EFNA5: variants seen among roughly 807,000 people sequenced by gnomAD.
EFNA5 encodes ephrin-A5.
EFNA5 carries 5 observed loss-of-function variants against 22.9 expected under a neutral mutation model. The ratio of observed to expected loss-of-function variants is 0.22; its 90% CI spans 0.11 to 0.46. The LOEUF (loss-of-function observed/expected upper bound fraction) is 0.46, where lower values mean the gene tolerates loss of function less well. Among genes scored for constraint, EFNA5 ranks in the 20% least tolerant of loss-of-function variants. The pLI is 0.99. For synonymous variants in EFNA5, 113 were observed against 112.2 expected (o/e 1.01, Z -0.04); for missense variants, 237 against 293.3 (o/e 0.81, Z 1.40).
chr5:107,470,229 G>A (rs192541544), intron 1 of EFNA5, among the ~76,000 whole-genome samples: 10 of 152,308 alleles, frequency 6.6e-5, no homozygotes, highest in African/African-American at 2.4e-4. Flanking sequence ...AATGGCAACA[G>A]TGAGGGTCCT....
At chr5:107,396,014 T>C (rs1388541506) in intron 2 of EFNA5, among the ~76,000 whole-genome samples, 1 of 152,182 alleles carries the variant, frequency 6.6e-6, no homozygotes, top group Non-Finnish European at 1.5e-5. Flanking sequence ...ACAAATCCCA[T>C]TCCTCATTCG....
intron 1 of EFNA5, among the ~76,000 whole-genome samples, chr5:107,583,240 T>G (rs1467281957): frequency 6.6e-6 from 1 of 152,144 alleles, no homozygotes; most frequent in Non-Finnish European, 1.5e-5. Flanking sequence ...CCCTAAAAAA[T>G]AGAGCATCCT....
intron 1 of EFNA5, among the ~76,000 whole-genome samples, chr5:107,452,098 A>C (rs1354348092): frequency 1.3e-5 from 2 of 152,150 alleles, no homozygotes; most frequent in Admixed American, 6.5e-5. Context: ...TATCCTCAGC[A>C]AACTAACACA....
At chr5:107,642,489 AT>A (rs1214899002) in intron 1 of EFNA5, among the ~76,000 whole-genome samples, 2 of 151,614 alleles carry the variant, frequency 1.3e-5, no homozygotes, top group Non-Finnish European at 2.9e-5. Context: ...AAGCCAAGGA[AT>A]GTCAAGAGTG....
chr5:107,545,405 A>C (rs1748126470), intron 1 of EFNA5, among the ~76,000 whole-genome samples: 1 of 152,228 alleles, frequency 6.6e-6, no homozygotes, highest in Admixed American at 6.5e-5. Flanking sequence ...TTTCCTGAGG[A>C]CTGCAGGAGT....
At chr5:107,484,312 C>T (rs1489185313) in intron 1 of EFNA5, among the ~76,000 whole-genome samples, 1 of 152,180 alleles carries the variant, frequency 6.6e-6, no homozygotes, top group East Asian at 1.9e-4. Flanking sequence ...TTCTCCAAGC[C>T]GCTGTTCCCA....
intron 2 of EFNA5, among the ~76,000 whole-genome samples, chr5:107,422,145 T>A (rs1464892298): frequency 6.6e-6 from 1 of 152,186 alleles, no homozygotes; most frequent in Non-Finnish European, 1.5e-5. Flanking sequence ...CTAGTTCTCA[T>A]CTGTGTGAAC....
chr5:107,445,395 T>G (rs13354468), intron 1 of EFNA5, among the ~76,000 whole-genome samples: 5,816 of 152,246 alleles, frequency 0.038, 373 homozygotes, highest in African/African-American at 0.13. Flanking sequence ...AGAGCACATA[T>G]GTGCTCTATT....
intron 1 of EFNA5, among the ~76,000 whole-genome samples, chr5:107,485,879 T>C (rs1217570747): frequency 6.6e-6 from 1 of 152,214 alleles, no homozygotes; most frequent in East Asian, 1.9e-4. Flanking sequence ...TAGATCTTTG[T>C]GTGCTTATTT....
chr5:107,416,851 T>C lies in EFNA5; in HGVS notation c.418+10366A>G, dbSNP rs562671788. Among the ~76,000 whole-genome samples the C allele has an allele frequency of 3.3e-5, 5 of 152,316 alleles. No homozygotes were observed. In the East Asian group the frequency reaches 9.6e-4, roughly 29 times the overall value. The stretch of plus-strand genomic sequence containing the variant: ...TTACTTAGATTTGCCCATTAAAAAT[T>C]CCACCTAAAATGAAGCAAGTATGTC... On this transcript the variant is annotated intron_variant, in intron 2 of 4. Transcript: ENST00000333274.
intron 1 of EFNA5, among the ~76,000 whole-genome samples, chr5:107,435,540 T>C (rs1749090457): frequency 6.6e-6 from 1 of 152,122 alleles, no homozygotes; most frequent in Non-Finnish European, 1.5e-5. Context: ...AGAGGACTCA[T>C]GGATAGTTTC....
chr5:107,643,744 G>A (rs1750573206), intron 1 of EFNA5, among the ~76,000 whole-genome samples: 1 of 152,030 alleles, frequency 6.6e-6, no homozygotes, highest in African/African-American at 2.4e-5. Context: ...ACAAGGGCAA[G>A]TTATCCAAAG....
chr5:107,419,136 T>A (rs1580438483), intron 2 of EFNA5, among the ~76,000 whole-genome samples: 1 of 152,236 alleles, frequency 6.6e-6, no homozygotes. Flanking sequence ...GTATGCATGC[T>A]CAGAAGGTTA....
intron 1 of EFNA5, among the ~76,000 whole-genome samples, chr5:107,650,286 G>C (rs182140344): frequency 6.6e-6 from 1 of 152,310 alleles, no homozygotes; most frequent in Non-Finnish European, 1.5e-5. Flanking sequence ...AATGGATAAA[G>C]TGTCAAACCC....
chr5:107,577,252 C>A (rs1748946143), intron 1 of EFNA5, among the ~76,000 whole-genome samples: 1 of 152,052 alleles, frequency 6.6e-6, no homozygotes, highest in African/African-American at 2.4e-5. Flanking sequence ...GAACATAAAA[C>A]TCAAATCTTG....
chr5:107,609,989 G>A (rs1160862205), intron 1 of EFNA5, among the ~76,000 whole-genome samples: 1 of 152,152 alleles, frequency 6.6e-6, no homozygotes, highest in Non-Finnish European at 1.5e-5. Context: ...GAGACAGATA[G>A]GAATGTTCAA....
At chr5:107,401,790 C>G (rs1278809357) in intron 2 of EFNA5, among the ~76,000 whole-genome samples, 1 of 152,178 alleles carries the variant, frequency 6.6e-6, no homozygotes, top group Non-Finnish European at 1.5e-5. Flanking sequence ...CCACTGGGTT[C>G]AGATGCTTTC....
At chr5:107,450,228 G>A (rs1749524113) in intron 1 of EFNA5, among the ~76,000 whole-genome samples, 1 of 152,116 alleles carries the variant, frequency 6.6e-6, no homozygotes, top group East Asian at 1.9e-4. Flanking sequence ...GAAACAAAAT[G>A]GCTTTTTAAG....
intron 2 of EFNA5, among the ~76,000 whole-genome samples, chr5:107,393,506 T>A (rs972319444): frequency 6.6e-6 from 1 of 152,236 alleles, no homozygotes; most frequent in Non-Finnish European, 1.5e-5. Context: ...CTGTGTCCCA[T>A]GTCAATCTGG....
Sources: allele counts gnomAD v4.1 joint callset (sites outside exome capture counted in the v4.1 genomes callset), GRCh38; gene constraint gnomAD v4.1.1; transcripts MANE v1.5; gene names NCBI Gene and HGNC (gene_info 2026-07-23, HGNC 2026-07-21).